The following CATSPERT variants were observed in gnomAD, a reference collection of about 807,000 sequenced individuals.
The protein encoded by CATSPERT is cation channel sperm-associated targeting subunit tau.
At chr2:201,556,032 G>T in the CATSPERT span, 3 of 151,930 alleles carry the variant, frequency 2.0e-5, no homozygotes, top group African/African-American at 4.8e-5. Context: ...ATTATTCTAG[G>T]ACCTACATAC....
the CATSPERT span, among the ~76,000 whole-genome samples, chr2:201,598,380 T>C: frequency 6.6e-6 from 1 of 152,100 alleles, no homozygotes; most frequent in South Asian, 2.1e-4. Flanking sequence ...CCTGGGATTA[T>C]AGGCGTGAGC....
At chr2:201,565,295 G>C in the CATSPERT span, among the ~76,000 whole-genome samples, 1 of 90,824 alleles carries the variant, frequency 1.1e-5, no homozygotes, top group Admixed American at 1.4e-4. Flanking sequence ...ACAGAGCAAG[G>C]CCTCGTCTCA....
the CATSPERT span, chr2:201,493,061 CT>C: frequency 1.3e-6 from 2 of 1,536,000 alleles, no homozygotes; most frequent in Non-Finnish European, 1.7e-6. Context: ...CTTTCTAATT[CT>C]TTTTCTGGTT....
chr2:201,565,721 T>TC, the CATSPERT span: 1 of 1,519,290 alleles, frequency 6.6e-7, no homozygotes, highest in Non-Finnish European at 8.8e-7. Flanking sequence ...TTTTTTTTTT[T>TC]TTTTTACCTT....
chr2:201,531,026 T>A, the CATSPERT span, among the ~76,000 whole-genome samples: 1 of 140,996 alleles, frequency 7.1e-6, no homozygotes, highest in African/African-American at 2.6e-5. Flanking sequence ...AGTGGCGCGA[T>A]CTCAGCTCAC....
the CATSPERT span, chr2:201,487,970 G>A: frequency 3.1e-6 from 4 of 1,311,272 alleles, no homozygotes; most frequent in South Asian, 1.5e-5. Flanking sequence ...AAATTTACAA[G>A]GACTTCTGAC....
At chr2:201,545,353 C>T in the CATSPERT span, among the ~76,000 whole-genome samples, 7 of 151,948 alleles carry the variant, frequency 4.6e-5, no homozygotes, top group African/African-American at 1.2e-4. Flanking sequence ...CTTTTTAAAA[C>T]TCGTAATAGG....
At chr2:201,572,030 AT>A in the CATSPERT span, 76,633 of 1,601,236 alleles carry the variant, frequency 0.048, 1,992 homozygotes, top group African/African-American at 0.08. Flanking sequence ...ACTGAAAAAA[AT>A]GTAAGTGTAT....
the CATSPERT span, among the ~76,000 whole-genome samples, chr2:201,568,394 T>G: frequency 6.6e-6 from 1 of 152,162 alleles, no homozygotes; most frequent in Non-Finnish European, 1.5e-5. Flanking sequence ...GTTAGGACAG[T>G]GAAGGTGTAT....
chr2:201,599,361 T>C, the CATSPERT span, among the ~76,000 whole-genome samples: 10 of 150,582 alleles, frequency 6.6e-5, no homozygotes, highest in Non-Finnish European at 1.2e-4. Context: ...TATTCATTGA[T>C]TTTTTTTTAG....
chr2:201,574,318 T>A, the CATSPERT span: 1 of 1,515,400 alleles, frequency 6.6e-7, no homozygotes, highest in Non-Finnish European at 9.0e-7. Context: ...CAGGATGATA[T>A]TTTAATGGAG....
At chr2:201,522,440 G>A in the CATSPERT span, among the ~76,000 whole-genome samples, 7 of 152,026 alleles carry the variant, frequency 4.6e-5, no homozygotes, top group African/African-American at 1.2e-4. Flanking sequence ...GCAGATCTTC[G>A]GAAGGAAGGC....
the CATSPERT span, among the ~76,000 whole-genome samples, chr2:201,504,301 CT>C: frequency 2.0e-5 from 3 of 152,236 alleles, no homozygotes; most frequent in African/African-American, 7.2e-5. Context: ...ATAAGGCTCA[CT>C]TTGTCCCTGT....
At chr2:201,538,616 T>G in the CATSPERT span, among the ~76,000 whole-genome samples, 6 of 152,094 alleles carry the variant, frequency 3.9e-5, no homozygotes, top group African/African-American at 1.4e-4. Context: ...ACTATTGTAA[T>G]TGTTGAGGGG....
chr2:201,604,482 T>C, the CATSPERT span: 1 of 478,934 alleles, frequency 2.1e-6, no homozygotes, highest in Non-Finnish European at 3.6e-6. Flanking sequence ...ATTATTACAA[T>C]GTTTTTCTGA....
At chr2:201,544,835 A>C in the CATSPERT span, among the ~76,000 whole-genome samples, 10 of 150,444 alleles carry the variant, frequency 6.6e-5, no homozygotes, top group African/African-American at 9.7e-5. Context: ...AAAAAAAAAA[A>C]AAAATACAAA....
At chr2:201,492,948 T>C in the CATSPERT span, 1 of 1,536,548 alleles carries the variant, frequency 6.5e-7, no homozygotes, top group Non-Finnish European at 8.7e-7. Context: ...CACGCAACTT[T>C]GGACTCAAAA....
chr2:201,532,137 A>T, the CATSPERT span, among the ~76,000 whole-genome samples: 1 of 152,322 alleles, frequency 6.6e-6, no homozygotes, highest in Admixed American at 6.5e-5. Flanking sequence ...ATAAGAGATG[A>T]GAGAAACCAC....
At chr2:201,611,757 G>C in the CATSPERT span, among the ~76,000 whole-genome samples, 3 of 151,718 alleles carry the variant, frequency 2.0e-5, no homozygotes, top group African/African-American at 7.3e-5. Context: ...ACAGATGAAT[G>C]CTAGTATCCC....
Sources: gnomAD v4.1 joint callset for allele counts (sites outside exome capture counted in the v4.1 genomes callset) on GRCh38, gnomAD v4.1.1 for gene constraint, MANE v1.5 for transcripts, NCBI Gene and HGNC (gene_info 2026-07-23, HGNC 2026-07-21) for gene names.